Variants in FAM193A observed in about 807,000 individuals in gnomAD.
FAM193A encodes the protein family with sequence similarity 193 member A.
In FAM193A, 22 loss-of-function variants were observed where a neutral mutation model predicts 126.5. That is an observed-to-expected ratio of 0.17 (90% confidence interval 0.12 to 0.25). FAM193A has a LOEUF of 0.25. Ranked by LOEUF, FAM193A falls within the 10% of genes least tolerant of loss-of-function variation. The pLI is 1.00. For missense variants in FAM193A, 1,675 were observed against 1,672.8 expected (o/e 1.00, Z -0.02); for synonymous variants, 761 against 646.8 (o/e 1.18, Z -2.68).
chr4:2,581,799 C>T (rs1219448600), intron 1 of FAM193A, among the ~76,000 whole-genome samples: 1 of 151,436 alleles, frequency 6.6e-6, no homozygotes, highest in African/African-American at 2.4e-5. Context: ...GACTACAGGC[C>T]CCCGCCACCA....
intron 1 of FAM193A, among the ~76,000 whole-genome samples, chr4:2,586,970 A>G (rs1050563852): frequency 3.3e-5 from 5 of 152,146 alleles, no homozygotes; most frequent in Non-Finnish European, 5.9e-5. Context: ...GCTTTTTAAT[A>G]AGCCTTAATA....
At chr4:2,594,820 CTTTTTTTTTTTTTTTT>C (rs386399069) in intron 1 of FAM193A, among the ~76,000 whole-genome samples, 1 of 62,210 alleles carries the variant, frequency 1.6e-5, no homozygotes, top group Non-Finnish European at 2.8e-5. Context: ...TTTTCTTTTC[CTTTTTTTTTTTTTTTT>C]TTTTTTTTTT....
chr4:2,726,799 A>C (rs1220337307), intron 20 of FAM193A, among the ~76,000 whole-genome samples: 1 of 149,750 alleles, frequency 6.7e-6, no homozygotes, highest in East Asian at 1.9e-4. Flanking sequence ...AAAAAAAAAA[A>C]AAAAGCCGGG....
chr4:2,619,004 T>C (rs377094978), intron 2 of FAM193A, among the ~76,000 whole-genome samples: 5 of 152,200 alleles, frequency 3.3e-5, no homozygotes, highest in African/African-American at 1.2e-4. Flanking sequence ...AATGCTGGGA[T>C]TATAGGCGTG....
At chr4:2,653,702 A>G (rs1308951633) in intron 7 of FAM193A, among the ~76,000 whole-genome samples, 2 of 152,176 alleles carry the variant, frequency 1.3e-5, no homozygotes, top group Admixed American at 6.5e-5. Context: ...TCAGCCTCCC[A>G]AAGTGCTGGG....
intron 12 of FAM193A, among the ~76,000 whole-genome samples, chr4:2,666,614 T>A (rs2109135384): frequency 6.6e-6 from 1 of 152,316 alleles, no homozygotes; most frequent in Admixed American, 6.5e-5. Flanking sequence ...TTGATAGAAT[T>A]CACCAGCAAA....
chr4:2,666,002 T>C (rs868521578), intron 12 of FAM193A, among the ~76,000 whole-genome samples: 2 of 152,170 alleles, frequency 1.3e-5, no homozygotes, highest in South Asian at 2.1e-4. Flanking sequence ...TCTTGCCTTA[T>C]TGAGCTAGCT....
Position 2,693,673 on chromosome 4 carries a change from T to C in FAM193A, c.2891T>C (p.Leu964Pro), listed in dbSNP as rs1373100726. The part of the protein sequence containing the change: ...PRNSPTGLAP[L>P]PALSPAALSP... ...AATAGCCCCACGGGCTTGGCCCCCCTCCCAGCGCTCTCGCCTGCTGCGCTG... is the reference window on the plus strand; with the variant it reads ...AATAGCCCCACGGGCTTGGCCCCCCCCCCAGCGCTCTCGCCTGCTGCGCTG... Residue 964 changes from leucine (L) to proline (P), a missense_variant, in exon 16 of 21, where the codon CTC becomes CCC. Leu to Pro is a moderately conservative substitution (Grantham distance 98). This residue lies in a region of FAM193A where 1,186 missense variants were observed against 1,109.2 expected (regional missense o/e 1.07). Coordinates refer to ENST00000637812, the MANE Select transcript of FAM193A (RefSeq NM_001366318.2). 8 of 1,613,918 alleles carry C rather than the reference T, an allele frequency of 5.0e-6. No homozygotes were observed. The highest frequency in any genetic ancestry group is 6.8e-6 in the Non-Finnish European group (8 of 1,179,946).
chr4:2,656,864 T>C (rs995805921), intron 7 of FAM193A, among the ~76,000 whole-genome samples: 1 of 152,192 alleles, frequency 6.6e-6, no homozygotes, highest in African/African-American at 2.4e-5. Flanking sequence ...TGTCTCACAG[T>C]TTAAAAACAA....
At chr4:2,691,355 A>G (rs976701900) in intron 15 of FAM193A, among the ~76,000 whole-genome samples, 4 of 152,224 alleles carry the variant, frequency 2.6e-5, no homozygotes, top group East Asian at 1.9e-4. Flanking sequence ...AGCTGGGACT[A>G]TAGGTGCCCA....
intron 2 of FAM193A, 145 bp downstream of exon 2, chr4:2,596,474 C>T (rs942525680): frequency 5.6e-5 from 34 of 607,088 alleles, no homozygotes; most frequent in African/African-American, 5.0e-4. Flanking sequence ...TCTCCTGGTA[C>T]GTTCCTCCTG....
At chr4:2,592,743 G>A (rs1560466110) in intron 1 of FAM193A, among the ~76,000 whole-genome samples, 1 of 152,196 alleles carries the variant, frequency 6.6e-6, no homozygotes, top group African/African-American at 2.4e-5. Flanking sequence ...GTACCAGAGA[G>A]GAGAGAGCTG....
chr4:2,701,260 T>C (rs1717700527), intron 19 of FAM193A, among the ~76,000 whole-genome samples: 1 of 151,556 alleles, frequency 6.6e-6, no homozygotes, highest in African/African-American at 2.4e-5. Flanking sequence ...GTTTCTCCAA[T>C]TGTCCTTTTA....
chr4:2,580,909 C>G (rs1739883200), intron 1 of FAM193A, among the ~76,000 whole-genome samples: 1 of 152,212 alleles, frequency 6.6e-6, no homozygotes, highest in South Asian at 2.1e-4. Context: ...GCGGGCAGAT[C>G]ACAAGGTCAG....
chr4:2,608,515 A>G (rs1445237986), intron 2 of FAM193A, among the ~76,000 whole-genome samples: 1 of 152,114 alleles, frequency 6.6e-6, no homozygotes, highest in Non-Finnish European at 1.5e-5. Flanking sequence ...ACCCAGCCAA[A>G]TATGATAATG....
At chr4:2,546,767 A>G (rs950375113) in intron 1 of FAM193A, among the ~76,000 whole-genome samples, 7 of 152,062 alleles carry the variant, frequency 4.6e-5, no homozygotes, top group South Asian at 2.1e-4. Flanking sequence ...GTAAATTTCA[A>G]TTTTCTAGGT....
At chr4:2,615,118 T>A (rs1228767309) in intron 2 of FAM193A, 1 of 152,100 alleles carries the variant, frequency 6.6e-6, no homozygotes, top group Non-Finnish European at 1.5e-5. Context: ...TATTTATTTA[T>A]TTTTTTTAAG....
Position 2,546,159 on chromosome 4 carries a change from ATT to A in FAM193A, c.255+9001_255+9002del, listed in dbSNP as rs35486569. Among the ~76,000 whole-genome samples the A allele has an allele frequency of 5.7e-3, 838 of 147,616 alleles. 6 individuals carry two copies. The highest frequency in any genetic ancestry group is 0.02 in the African/African-American group (797 of 40,382). On this transcript the variant is annotated intron_variant, in intron 1 of 20. Coordinates refer to ENST00000637812, the MANE Select transcript of FAM193A (RefSeq NM_001366318.2). ...CAAGACTCCGCCTCAAAAAAAAAAAATTTTTTTTTTTTTGTAAAGATGGGGTC... is the reference window on the plus strand; with the variant it reads ...CAAGACTCCGCCTCAAAAAAAAAAAATTTTTTTTTTTGTAAAGATGGGGTC...
At chr4:2,581,057 AGGCGGAG>A (rs1739896521) in intron 1 of FAM193A, among the ~76,000 whole-genome samples, 1 of 151,282 alleles carries the variant, frequency 6.6e-6, no homozygotes, top group Non-Finnish European at 1.5e-5. Flanking sequence ...TGAACCCGGG[AGGCGGAG>A]GTTGCAGTGA....
Sources: gnomAD v4.1 joint callset for allele counts (sites outside exome capture counted in the v4.1 genomes callset) on GRCh38, gnomAD v4.1.1 for gene constraint, gnomAD v4.1.1 regional missense constraint, MANE v1.5 for transcripts, NCBI Gene and HGNC (gene_info 2026-07-23, HGNC 2026-07-21) for gene names.